The following HS3ST4 variants were observed in gnomAD, a reference collection of about 807,000 sequenced individuals.
HS3ST4 encodes heparan sulfate-glucosamine 3-sulfotransferase 4.
A neutral mutation model predicts 29.2 loss-of-function variants in HS3ST4; 17 were observed. The ratio of observed to expected loss-of-function variants is 0.58; its 90% CI spans 0.40 to 0.87. The LOEUF is 0.87. HS3ST4 is among the 40% of genes least tolerant of loss of function. The probability of loss-of-function intolerance (pLI) is 0.00; values close to 1 mark genes in which losing one functional copy is unlikely to be tolerated. For missense variants in HS3ST4, 627 were observed against 634.5 expected (o/e 0.99, Z 0.13); for synonymous variants, 314 against 285.7 (o/e 1.10, Z -1.00).
intron 1 of HS3ST4, among the ~76,000 whole-genome samples, chr16:25,978,643 C>T (rs1007826115): frequency 6.6e-6 from 1 of 152,210 alleles, no homozygotes; most frequent in Admixed American, 6.5e-5. Flanking sequence ...TCAATTTTCT[C>T]ATCTGAAAAT....
At chr16:26,099,719 G>T (rs1030938685) in intron 1 of HS3ST4, among the ~76,000 whole-genome samples, 1 of 152,144 alleles carries the variant, frequency 6.6e-6, no homozygotes, top group Admixed American at 6.5e-5. Context: ...GAGCAGGGCA[G>T]ATAAAAATCT....
At chr16:25,949,050 A>AG (rs1430929817) in intron 1 of HS3ST4, among the ~76,000 whole-genome samples, 1 of 52,724 alleles carries the variant, frequency 1.9e-5, no homozygotes, top group Admixed American at 2.0e-4. Flanking sequence ...GTTATCTGGT[A>AG]ATTTTTTTTT....
At chr16:26,020,035 T>A (rs1285299616) in intron 1 of HS3ST4, among the ~76,000 whole-genome samples, 1 of 152,202 alleles carries the variant, frequency 6.6e-6, no homozygotes, top group Non-Finnish European at 1.5e-5. Flanking sequence ...GTGTGGTTTC[T>A]GTGCTTCCCC....
At chr16:25,836,410 A>G (rs925677133) in intron 1 of HS3ST4, among the ~76,000 whole-genome samples, 20 of 152,298 alleles carry the variant, frequency 1.3e-4, no homozygotes, top group Non-Finnish European at 2.5e-4. Flanking sequence ...ACATCTCCCA[A>G]TGGGTAATTA....
intron 1 of HS3ST4, among the ~76,000 whole-genome samples, chr16:25,927,728 A>G (rs1210631338): frequency 6.6e-6 from 1 of 151,862 alleles, no homozygotes; most frequent in African/African-American, 2.4e-5. Flanking sequence ...CGGATTTATA[A>G]AAAGAAGCTA....
chr16:25,980,503 C>T (rs1322709187), intron 1 of HS3ST4, among the ~76,000 whole-genome samples: 5 of 152,184 alleles, frequency 3.3e-5, no homozygotes, highest in Non-Finnish European at 5.9e-5. Flanking sequence ...ACAAAGCCAG[C>T]TACGGCTGTA....
chr16:25,751,860 C>T (rs1016709815), intron 1 of HS3ST4, among the ~76,000 whole-genome samples: 6 of 152,284 alleles, frequency 3.9e-5, no homozygotes, highest in South Asian at 2.1e-4. Context: ...CTGGAGCAAT[C>T]GGGAGCAATC....
chr16:25,873,272 GTCCATTCATCCATCCA>G (rs1453190035), intron 1 of HS3ST4, among the ~76,000 whole-genome samples: 13 of 139,210 alleles, frequency 9.3e-5, no homozygotes, highest in East Asian at 8.7e-4. Flanking sequence ...CCATCCATTT[GTCCATTCATCCATCCA>G]TCCATCCATC....
intron 1 of HS3ST4, among the ~76,000 whole-genome samples, chr16:25,705,404 G>A (rs1163399087): frequency 3.3e-5 from 5 of 152,214 alleles, no homozygotes; most frequent in African/African-American, 7.2e-5. Context: ...GGTGGCTCAC[G>A]CCTGTAATCC....
intron 1 of HS3ST4, chr16:25,826,463 A>G (rs186876058): frequency 6.6e-5 from 10 of 152,282 alleles, no homozygotes; most frequent in African/African-American, 2.2e-4. Flanking sequence ...GAGGCCTGGA[A>G]TTTCCCCCTG....
At chr16:25,803,478 AC>A (rs1168947128) in intron 1 of HS3ST4, among the ~76,000 whole-genome samples, 1 of 152,062 alleles carries the variant, frequency 6.6e-6, no homozygotes, top group Non-Finnish European at 1.5e-5. Flanking sequence ...TGTTTTCAGC[AC>A]TCACCTCTCA....
chr16:25,716,858 A>G (rs556405816), intron 1 of HS3ST4, among the ~76,000 whole-genome samples: 8 of 152,310 alleles, frequency 5.3e-5, no homozygotes, highest in African/African-American at 1.9e-4. Context: ...GTTTGAGACC[A>G]GCCTGGCCAA....
intron 1 of HS3ST4, among the ~76,000 whole-genome samples, chr16:25,736,119 C>A (rs1167764017): frequency 6.6e-6 from 1 of 152,196 alleles, no homozygotes; most frequent in Non-Finnish European, 1.5e-5. Context: ...CCTCATACCA[C>A]AGATTTGCTT....
intron 1 of HS3ST4, among the ~76,000 whole-genome samples, chr16:26,074,013 C>T (rs1444052325): frequency 6.6e-6 from 1 of 152,144 alleles, no homozygotes; most frequent in East Asian, 1.9e-4. Flanking sequence ...ACCATCAAGA[C>T]CTTGCATTAT....
At chr16:25,726,654 A>G (rs1281094922) in intron 1 of HS3ST4, among the ~76,000 whole-genome samples, 1 of 152,292 alleles carries the variant, frequency 6.6e-6, no homozygotes, top group Admixed American at 6.5e-5. Context: ...CTGCCCTCAC[A>G]TATGAAAACC....
chr16:26,108,164 A>C (rs1365016510), intron 1 of HS3ST4, among the ~76,000 whole-genome samples: 1 of 152,122 alleles, frequency 6.6e-6, no homozygotes, highest in African/African-American at 2.4e-5. Context: ...ATATGGTATC[A>C]CACTGTGGTT....
intron 1 of HS3ST4, among the ~76,000 whole-genome samples, chr16:25,946,986 G>C (rs1968632858): frequency 6.6e-6 from 1 of 152,196 alleles, no homozygotes; most frequent in South Asian, 2.1e-4. Flanking sequence ...GCAGGGTCCA[G>C]ACAGAAGGGC....
Position 26,081,335 on chromosome 16 carries a change from C to T in HS3ST4, c.735-54277C>T, listed in dbSNP as rs946444374. Among the ~76,000 whole-genome samples the T allele has an allele frequency of 5.9e-5, 9 of 151,440 alleles. No homozygotes were observed. In the South Asian group the frequency reaches 8.4e-4, roughly 14 times the overall value. On this transcript the variant is annotated intron_variant, in intron 1 of 1. Coordinates refer to ENST00000331351, the MANE Select transcript of HS3ST4 (RefSeq NM_006040.3). ...ATTTAACACTATCCCTAGATAATAC[C>T]TAAACACATCAAAGTTAGAGAAGCA... is the stretch of plus-strand genomic sequence containing the variant.
At chr16:25,880,683 G>A (rs1476566930) in intron 1 of HS3ST4, among the ~76,000 whole-genome samples, 1 of 152,140 alleles carries the variant, frequency 6.6e-6, no homozygotes, top group Non-Finnish European at 1.5e-5. Flanking sequence ...CATTAGACCT[G>A]TGCATACCCC....
Sources: allele counts gnomAD v4.1 joint callset (sites outside exome capture counted in the v4.1 genomes callset), GRCh38; gene constraint gnomAD v4.1.1; transcripts MANE v1.5; gene names NCBI Gene and HGNC (gene_info 2026-07-23, HGNC 2026-07-21).